SRPK2: variants seen among roughly 807,000 people sequenced by gnomAD.
SRPK2 encodes SFRS protein kinase 2.
In SRPK2, 21 loss-of-function variants were observed where a neutral mutation model predicts 90.8. That is an observed-to-expected ratio of 0.23 (90% CI 0.16 to 0.33). The LOEUF is 0.33. Ranked by LOEUF, SRPK2 falls within the 10% of genes least tolerant of loss-of-function variation. The pLI is 1.00. For missense variants in SRPK2, 620 were observed against 869.0 expected, an observed-to-expected ratio of 0.71 and a Z score of 3.60; for synonymous variants, 288 against 311.1, an observed-to-expected ratio of 0.93 and a Z score of 0.78.
At chr7:105,283,480 C>T (rs921803215) in intron 2 of SRPK2, among the ~76,000 whole-genome samples, 2 of 152,078 alleles carry the variant, frequency 1.3e-5, no homozygotes, top group East Asian at 1.9e-4. Context: ...TATGGCTGAA[C>T]GCTGAAAACA....
At chr7:105,165,687 T>C (rs1789953881) in intron 6 of SRPK2, among the ~76,000 whole-genome samples, 1 of 152,220 alleles carries the variant, frequency 6.6e-6, no homozygotes. Context: ...CTCTGTAAAA[T>C]GGACCAATCG....
intron 2 of SRPK2, among the ~76,000 whole-genome samples, chr7:105,227,369 T>C (rs866684727): frequency 2.6e-5 from 4 of 152,122 alleles, no homozygotes; most frequent in Non-Finnish European, 5.9e-5. Flanking sequence ...CCAAAGTCCG[T>C]TGCATCATTC....
intron 3 of SRPK2, among the ~76,000 whole-genome samples, chr7:105,175,320 C>A (rs1791701511): frequency 6.6e-6 from 1 of 152,022 alleles, no homozygotes; most frequent in Non-Finnish European, 1.5e-5. Context: ...GCAAGTATTT[C>A]TTACATTAAG....
intron 1 of SRPK2, among the ~76,000 whole-genome samples, chr7:105,398,725 C>A (rs536510210): frequency 1.3e-5 from 2 of 152,212 alleles, no homozygotes; most frequent in East Asian, 3.9e-4. Flanking sequence ...TTCACTATAG[C>A]GTACTTCTCA....
chr7:105,307,071 T>C (rs1461809658), intron 2 of SRPK2, among the ~76,000 whole-genome samples: 1 of 152,116 alleles, frequency 6.6e-6, no homozygotes. Flanking sequence ...AAAAGGAAGA[T>C]TTAATTTAAG....
chr7:105,274,734 C>G (rs2130661038), intron 2 of SRPK2, among the ~76,000 whole-genome samples: 1 of 152,190 alleles, frequency 6.6e-6, no homozygotes, highest in Middle Eastern at 3.4e-3. Flanking sequence ...CTTGCCCCTC[C>G]CTAGTTCCTA....
intron 2 of SRPK2, among the ~76,000 whole-genome samples, chr7:105,269,995 AT>A (rs950022446): frequency 2.0e-5 from 3 of 152,164 alleles, no homozygotes; most frequent in Non-Finnish European, 2.9e-5. Context: ...AGTAAAGCAA[AT>A]TTTTTTTAAA....
chr7:105,189,750 A>C (rs1794039085), intron 3 of SRPK2: 1 of 152,610 alleles, frequency 6.6e-6, no homozygotes, highest in African/African-American at 2.4e-5. Context: ...GTCTCCGAAA[A>C]GAAAAAGATA....
At chr7:105,386,659 G>C (rs1432627980) in intron 2 of SRPK2, among the ~76,000 whole-genome samples, 1 of 152,230 alleles carries the variant, frequency 6.6e-6, no homozygotes, top group East Asian at 1.9e-4. Flanking sequence ...GGAGGTTGCA[G>C]TGAGCCAAGA....
chr7:105,321,354 C>G (rs1465568937), intron 2 of SRPK2, among the ~76,000 whole-genome samples: 1 of 152,146 alleles, frequency 6.6e-6, no homozygotes, highest in African/African-American at 2.4e-5. Flanking sequence ...TACATAAGAG[C>G]TGAAATCATA....
intron 3 of SRPK2, among the ~76,000 whole-genome samples, chr7:105,176,280 T>G (rs1300134010): frequency 6.6e-6 from 1 of 152,160 alleles, no homozygotes; most frequent in Non-Finnish European, 1.5e-5. Context: ...AAACATTCAT[T>G]CTTGATCACA....
At chr7:105,206,066 G>A (rs1331437918) in intron 2 of SRPK2, 4 of 514,008 alleles carry the variant, frequency 7.8e-6, no homozygotes, top group Admixed American at 5.9e-5. Flanking sequence ...ATTCATTGCT[G>A]TGGGGCTGTC....
At chr7:105,352,033 T>C (rs1201778944) in intron 2 of SRPK2, among the ~76,000 whole-genome samples, 1 of 151,502 alleles carries the variant, frequency 6.6e-6, no homozygotes, top group African/African-American at 2.4e-5. Flanking sequence ...ATGATCCTAT[T>C]TTCCTAGAGA....
At chr7:105,233,508 G>T (rs1162548913) in intron 2 of SRPK2, among the ~76,000 whole-genome samples, 1 of 152,144 alleles carries the variant, frequency 6.6e-6, no homozygotes, top group African/African-American at 2.4e-5. Flanking sequence ...GTGGAAAAGA[G>T]GTGAAGCTCT....
Position 105,167,272 on chromosome 7 carries a change from G to A in SRPK2, c.514+105C>T, listed in dbSNP as rs144805594. 9.1e-6 allele frequency: 8 copies of A among 877,848 alleles called. 1 individual carries two copies. In the East Asian group the frequency reaches 1.9e-4, roughly 21 times the overall value. The allele number at this position is 877,848 out of a possible 1,614,324, so 54.4% of individuals were successfully genotyped here. A position where few individuals can be genotyped will look rare whatever the true frequency, so the allele number is the denominator to read the frequency against. ...TAATACTTGACAATGTTCCTAGAGT[G>A]TTTATGTTGAAGGTGATACAGCAGT... On this transcript the variant is annotated intron_variant, in intron 6 of 15. Transcript: ENST00000393651.
chr7:105,133,199 G>T, intron 11 of SRPK2, 95 bp from the exon 12 acceptor site: 1 of 1,138,152 alleles, frequency 8.8e-7, no homozygotes, highest in South Asian at 1.3e-5. Context: ...CTTTCCTCAA[G>T]AGTAGTGGAA....
At chr7:105,332,042 A>T (rs1814482906) in intron 2 of SRPK2, among the ~76,000 whole-genome samples, 1 of 152,198 alleles carries the variant, frequency 6.6e-6, no homozygotes, top group Non-Finnish European at 1.5e-5. Context: ...GGGGAAAGCC[A>T]GCAGCACAAA....
chr7:105,156,445 C>T (rs1310414572), intron 7 of SRPK2, among the ~76,000 whole-genome samples: 2 of 152,192 alleles, frequency 1.3e-5, no homozygotes, highest in East Asian at 3.8e-4. Flanking sequence ...CTACTATTAG[C>T]ATTACTATCT....
At chr7:105,173,070 T>C (rs1791357857) in intron 3 of SRPK2, among the ~76,000 whole-genome samples, 1 of 152,144 alleles carries the variant, frequency 6.6e-6, no homozygotes, top group Non-Finnish European at 1.5e-5. Flanking sequence ...GCCCTCAGTC[T>C]AGCTAAAAAT....
Sources: gnomAD v4.1 joint callset for allele counts (sites outside exome capture counted in the v4.1 genomes callset) on GRCh38, gnomAD v4.1.1 for gene constraint, MANE v1.5 for transcripts, NCBI Gene and HGNC (gene_info 2026-07-23, HGNC 2026-07-21) for gene names.